The following RASGRF1 variants were observed in gnomAD, a reference collection of about 807,000 sequenced individuals.
RASGRF1 encodes Ras protein specific guanine nucleotide releasing factor 1.
A neutral mutation model predicts 138.7 loss-of-function variants in RASGRF1; 40 were observed. That is an observed-to-expected ratio of 0.29 (90% CI 0.22 to 0.38). The LOEUF is 0.38. RASGRF1 is among the 10% of genes least tolerant of loss of function. The pLI, the probability that RASGRF1 is intolerant of heterozygous loss-of-function variation, is 1.00. For synonymous variants in RASGRF1, 614 were observed against 663.2 expected (o/e 0.93, Z 1.14); for missense variants, 1,108 against 1,650.4 (o/e 0.67, Z 5.69).
intron 6 of RASGRF1, among the ~76,000 whole-genome samples, chr15:79,033,735 G>A (rs1287945491): frequency 6.6e-6 from 1 of 151,366 alleles, no homozygotes; most frequent in Non-Finnish European, 1.5e-5. Context: ...AACTACAGGT[G>A]TGCACCACTA....
chr15:79,066,932 C>T (rs744060), intron 1 of RASGRF1, among the ~76,000 whole-genome samples: 53,273 of 152,020 alleles, frequency 0.35, 10,954 homozygotes, highest in African/African-American at 0.57. Flanking sequence ...CAATAGTTGC[C>T]AGTTCATCTG....
chr15:78,978,720 G>A (rs556147054), intron 24 of RASGRF1: 56 of 1,087,178 alleles, frequency 5.2e-5, no homozygotes, highest in Admixed American at 1.3e-4. Flanking sequence ...ATGCAACACC[G>A]CTCTTTGTGA....
In RASGRF1 at chr15:79,050,367, G is replaced by A. The variant is rs1268719586; in HGVS notation, c.532-779C>T. Among the ~76,000 whole-genome samples, 3 of 152,324 alleles carry A rather than the reference G, an allele frequency of 2.0e-5. No individual in the cohort carries two copies. The Middle Eastern group carries it at 0.01, about 518-fold the overall frequency. On this transcript the variant is annotated intron_variant, in intron 3 of 26. Transcript: ENST00000558480. The surrounding 1 kb of genome is among the most constrained non-coding windows in gnomAD (Gnocchi z 4.1). ...GGCCAAGCAATATTCCCTTGTGTGTGTAGACCACATTTTATTTATCCATTC... is the reference window on the plus strand; with the variant it reads ...GGCCAAGCAATATTCCCTTGTGTGTATAGACCACATTTTATTTATCCATTC...
chr15:79,025,302 C>T lies in RASGRF1; in HGVS notation c.1542+12G>A, dbSNP rs376498085. The T allele has an allele frequency of 2.4e-5, 38 of 1,596,372 alleles. No homozygotes were observed. Among genetic ancestry groups the T allele is most frequent in the African/African-American group, 6.7e-5 (5 of 74,546 alleles). On this transcript the variant is annotated intron_variant, in intron 10 of 26. Coordinates refer to ENST00000558480, the MANE Select transcript of RASGRF1 (RefSeq NM_001145648.3). ...CTGGGCAGCCCCCAAGCCCCTCTCCCGTAGCCCTTACCTTGGTCAAGTGAA... is the reference window on the plus strand; with the variant it reads ...CTGGGCAGCCCCCAAGCCCCTCTCCTGTAGCCCTTACCTTGGTCAAGTGAA...
rs542116999 is a variant in RASGRF1 at position 79,071,424 on chromosome 15, G to A, written c.277-6898C>T. On this transcript the variant is annotated intron_variant, in intron 1 of 26. Coordinates refer to ENST00000558480, the MANE Select transcript of RASGRF1 (RefSeq NM_001145648.3). Reference sequence around the variant, plus strand: ...GCCCAGGCTGGAGTACAGTGGCACAGTCTCTGCTCATTGCAACCTCCACCT... The same window carrying A: ...GCCCAGGCTGGAGTACAGTGGCACAATCTCTGCTCATTGCAACCTCCACCT... Among the ~76,000 whole-genome samples, 253 of 150,338 alleles carry A rather than the reference G, an allele frequency of 1.7e-3. 1 individual carries two copies. The highest frequency in any genetic ancestry group is 5.8e-3 in the African/African-American group (238 of 40,862).
At chr15:79,074,028 G>T (rs931012032) in intron 1 of RASGRF1, among the ~76,000 whole-genome samples, 1 of 152,222 alleles carries the variant, frequency 6.6e-6, no homozygotes, top group African/African-American at 2.4e-5. Flanking sequence ...TCTAGGTCCA[G>T]GCTCAGATCT....
chr15:79,064,988 C>A (rs4778866), intron 1 of RASGRF1, among the ~76,000 whole-genome samples: 35,173 of 152,132 alleles, frequency 0.23, 4,345 homozygotes, highest in East Asian at 0.4. Flanking sequence ...TAAGAGCCCA[C>A]TGAAAGCCAC....
At chr15:78,994,798 G>T (rs1039139487) in intron 20 of RASGRF1, among the ~76,000 whole-genome samples, 2 of 152,182 alleles carry the variant, frequency 1.3e-5, no homozygotes, top group Admixed American at 1.3e-4. Context: ...GGATGAGGCA[G>T]TGTGGTAGAC....
intron 26 of RASGRF1, among the ~76,000 whole-genome samples, chr15:78,962,791 C>G (rs2055572839): frequency 6.6e-6 from 1 of 152,008 alleles, no homozygotes; most frequent in Admixed American, 6.6e-5. Context: ...GCTGAGGCAG[C>G]AGGATCACTT....
intron 23 of RASGRF1, among the ~76,000 whole-genome samples, chr15:78,984,238 G>T (rs1215259445): frequency 1.3e-5 from 2 of 152,156 alleles, no homozygotes; most frequent in African/African-American, 2.4e-5. Flanking sequence ...GATTGTGCTT[G>T]GGGGCTTGCC....
intron 23 of RASGRF1, among the ~76,000 whole-genome samples, chr15:78,983,027 C>A (rs182264623): frequency 6.6e-6 from 1 of 152,302 alleles, no homozygotes; most frequent in Admixed American, 6.5e-5. Flanking sequence ...CTATGGTGAG[C>A]ACATTTAAGT....
At position 79,058,488 on chromosome 15, in the gene RASGRF1, A is replaced by T; in HGVS notation, c.384-7T>A. ...TGTGGCGAGGGTCCTGTAGCTGTGG[A>T]CAGATGGACATGGCAGGTAAGATGC... On this transcript the variant is annotated splice_polypyrimidine_tract_variant and splice_region_variant and intron_variant, in intron 2 of 26. Transcript: ENST00000558480. 1 of 1,613,668 alleles carries T rather than the reference A, an allele frequency of 6.2e-7. No homozygotes were observed. Among genetic ancestry groups the T allele is most frequent in the Non-Finnish European group, 8.5e-7 (1 of 1,179,630 alleles).
chr15:78,992,293 C>A (rs985344194), intron 20 of RASGRF1, among the ~76,000 whole-genome samples: 11 of 152,246 alleles, frequency 7.2e-5, no homozygotes, highest in African/African-American at 2.7e-4. Flanking sequence ...TGGCCCTGTG[C>A]TCAGAAGACA....
intron 10 of RASGRF1, among the ~76,000 whole-genome samples, chr15:79,020,708 T>C (rs61276093): frequency 0.051 from 7,704 of 152,256 alleles, 563 homozygotes; most frequent in African/African-American, 0.17. Flanking sequence ...CATCCATGAG[T>C]GTGGGAGCAT....
chr15:79,084,844 T>A (rs1339388929), intron 1 of RASGRF1, among the ~76,000 whole-genome samples: 3 of 152,212 alleles, frequency 2.0e-5, no homozygotes, highest in Admixed American at 1.3e-4. Flanking sequence ...GGCAGAACCA[T>A]GGACTTCAGG....
intron 6 of RASGRF1, among the ~76,000 whole-genome samples, chr15:79,033,581 C>CTTTTTTTTTTTTTTTTT (rs71148586): frequency 2.3e-4 from 22 of 93,964 alleles, no homozygotes; most frequent in Admixed American, 4.5e-4. Context: ...TTTTTCTTTT[C>CTTTTTTTTTTTTTTTTT]TTTTTTTTTT....
chr15:78,987,284 G>T (rs1190987526), intron 22 of RASGRF1, among the ~76,000 whole-genome samples: 2 of 151,940 alleles, frequency 1.3e-5, no homozygotes, highest in Non-Finnish European at 2.9e-5. Context: ...ATAAAATTCT[G>T]TATTTATTCA....
At chr15:79,066,251 C>A (rs2057678996) in intron 1 of RASGRF1, among the ~76,000 whole-genome samples, 1 of 152,160 alleles carries the variant, frequency 6.6e-6, no homozygotes. Context: ...GCTGATGAAC[C>A]TGAAGCTCAG....
Position 78,991,720 on chromosome 15 carries a change from A to T in RASGRF1, c.3102T>A (p.Asp1034Glu), listed in dbSNP as rs747823564. The change falls in exon 21 of 27, where the codon GAT (aspartate) becomes GAA (glutamate). Residue 1034 changes from aspartate to glutamate, a missense_variant. Asp to Glu is a conservative substitution (Grantham distance 45, BLOSUM62 2). Transcript: ENST00000558480. Reference sequence around the variant, plus strand: ...AAGGAATCTTCTTGAAGACGAGGTGATCTAGCAGGGTCAGCTGCTCCGCGA... The same window carrying T: ...AAGGAATCTTCTTGAAGACGAGGTGTTCTAGCAGGGTCAGCTGCTCCGCGA... ...LEIAEQLTLLDHLVFKKIPYE... is the reference protein window; with the variant it reads ...LEIAEQLTLLEHLVFKKIPYE... The T allele has an allele frequency of 2.5e-6, 4 of 1,614,092 alleles. No individual in the cohort carries two copies. Among genetic ancestry groups the T allele is most frequent in the South Asian group, 1.1e-5 (1 of 91,082 alleles).
Sources: allele counts gnomAD v4.1 joint callset (sites outside exome capture counted in the v4.1 genomes callset), GRCh38; gene constraint gnomAD v4.1.1; non-coding constraint Gnocchi (gnomAD v3.1); transcripts MANE v1.5; gene names NCBI Gene and HGNC (gene_info 2026-07-23, HGNC 2026-07-21).